Variants in DIP2B observed in about 807,000 individuals in gnomAD.
DIP2B encodes the protein disco-interacting protein 2 homolog B.
In DIP2B, 76 loss-of-function variants were observed where a neutral mutation model predicts 198.0. The observed-to-expected ratio is 0.38, with a 90% CI of 0.32 to 0.46. DIP2B has a LOEUF of 0.46. Ranked by LOEUF, DIP2B falls within the 20% of genes least tolerant of loss-of-function variation. The pLI is 0.99. For synonymous variants in DIP2B, 701 were observed against 739.1 expected, an observed-to-expected ratio of 0.95 and a Z score of 0.84; for missense variants, 1,559 against 1,978.4, an observed-to-expected ratio of 0.79 and a Z score of 4.02.
chr12:50,614,072 A>G (rs1306140550), intron 1 of DIP2B, among the ~76,000 whole-genome samples: 1 of 152,172 alleles, frequency 6.6e-6, no homozygotes, highest in East Asian at 1.9e-4. Flanking sequence ...CTTTTTAACA[A>G]AACATTGAAA....
chr12:50,585,494 T>A (rs1161732612), intron 1 of DIP2B, among the ~76,000 whole-genome samples: 2 of 152,096 alleles, frequency 1.3e-5, no homozygotes, highest in African/African-American at 4.8e-5. Flanking sequence ...GAGAGCATCA[T>A]GTGAATGTTG....
intron 37 of DIP2B, 53 bp from the exon 38 acceptor site, chr12:50,744,534 A>C: frequency 6.2e-7 from 1 of 1,603,650 alleles, no homozygotes. Context: ...GATGCTATAA[A>C]AGATAACTGA....
intron 28 of DIP2B, among the ~76,000 whole-genome samples, chr12:50,726,668 C>CT (rs769357838): frequency 0.036 from 3,983 of 109,866 alleles, 76 homozygotes; most frequent in Non-Finnish European, 0.059. Flanking sequence ...TTCTTTCTTT[C>CT]TTTTTTTTTT....
chr12:50,590,289 T>G (rs1050450389), intron 1 of DIP2B, among the ~76,000 whole-genome samples: 1 of 152,118 alleles, frequency 6.6e-6, no homozygotes, highest in East Asian at 1.9e-4. Flanking sequence ...GTGTTTCTGC[T>G]TTCTCTCTGT....
intron 1 of DIP2B, among the ~76,000 whole-genome samples, chr12:50,508,454 C>T (rs1405147509): frequency 6.6e-6 from 1 of 152,046 alleles, no homozygotes; most frequent in African/African-American, 2.4e-5. Flanking sequence ...GTGTAATGAT[C>T]TTTTTGTACA....
At chr12:50,656,364 G>T (rs1426329775) in intron 3 of DIP2B, among the ~76,000 whole-genome samples, 1 of 152,128 alleles carries the variant, frequency 6.6e-6, no homozygotes, top group Non-Finnish European at 1.5e-5. Context: ...TCATGAGCAT[G>T]GAATATCTTA....
chr12:50,555,542 G>C (rs1958463085), intron 1 of DIP2B, among the ~76,000 whole-genome samples: 1 of 152,086 alleles, frequency 6.6e-6, no homozygotes, highest in Non-Finnish European at 1.5e-5. Flanking sequence ...AAGAACAGAG[G>C]CTGTGCACTC....
intron 30 of DIP2B, among the ~76,000 whole-genome samples, chr12:50,731,164 A>G (rs1288354904): frequency 6.6e-6 from 1 of 152,188 alleles, no homozygotes; most frequent in East Asian, 1.9e-4. Flanking sequence ...ATGTAGACTT[A>G]AGTGACCTAC....
chr12:50,559,899 G>C (rs917778996), intron 1 of DIP2B, among the ~76,000 whole-genome samples: 2 of 152,152 alleles, frequency 1.3e-5, no homozygotes, highest in Admixed American at 6.5e-5. Flanking sequence ...CGTTGTTCTT[G>C]TGTGCCTGTG....
chr12:50,712,532 A>T (rs771880801), intron 22 of DIP2B, among the ~76,000 whole-genome samples: 2 of 151,606 alleles, frequency 1.3e-5, no homozygotes, highest in Non-Finnish European at 2.9e-5. Flanking sequence ...TGAACCCGGG[A>T]GGTGGAGGTT....
intron 4 of DIP2B, among the ~76,000 whole-genome samples, chr12:50,670,072 TA>T (rs975392730): frequency 6.6e-6 from 1 of 152,092 alleles, no homozygotes; most frequent in Non-Finnish European, 1.5e-5. Context: ...AACCCTGAAA[TA>T]AATTCCTGAC....
chr12:50,599,914 T>G (rs558682209), intron 1 of DIP2B, among the ~76,000 whole-genome samples: 7 of 152,344 alleles, frequency 4.6e-5, no homozygotes, highest in African/African-American at 1.7e-4. Flanking sequence ...CCTGATCATG[T>G]AATTTATGAC....
intron 1 of DIP2B, among the ~76,000 whole-genome samples, chr12:50,522,654 T>A (rs1958131218): frequency 6.6e-6 from 1 of 152,232 alleles, no homozygotes; most frequent in African/African-American, 2.4e-5. Flanking sequence ...TCAGCCTCTT[T>A]ATAACATAAC....
At chr12:50,595,848 ACCT>A (rs1001913046) in intron 1 of DIP2B, among the ~76,000 whole-genome samples, 1 of 151,996 alleles carries the variant, frequency 6.6e-6, no homozygotes, top group Admixed American at 6.6e-5. Flanking sequence ...CTGGCACGTG[ACCT>A]CCTGGGAATA....
At chr12:50,607,116 T>C (rs1394977448) in intron 1 of DIP2B, among the ~76,000 whole-genome samples, 1 of 151,872 alleles carries the variant, frequency 6.6e-6, no homozygotes, top group African/African-American at 2.4e-5. Flanking sequence ...TTCTTTTTTT[T>C]TTTTTTGAGG....
At chr12:50,730,377 TCTCTC>T (rs1466325384) in intron 30 of DIP2B, among the ~76,000 whole-genome samples, 42 of 110,338 alleles carry the variant, frequency 3.8e-4, no homozygotes, top group Non-Finnish European at 8.6e-4. Flanking sequence ...TCTTTCTCTC[TCTCTC>T]TTTTTTTTTT....
At chr12:50,648,760 G>T (rs1450006723) in intron 3 of DIP2B, among the ~76,000 whole-genome samples, 1 of 138,446 alleles carries the variant, frequency 7.2e-6, no homozygotes, top group Non-Finnish European at 1.5e-5. Flanking sequence ...CATTTAAATT[G>T]TACCATAGGT....
chr12:50,535,639 C>G (rs966975421), intron 1 of DIP2B, among the ~76,000 whole-genome samples: 2 of 151,722 alleles, frequency 1.3e-5, no homozygotes, highest in Non-Finnish European at 2.9e-5. Flanking sequence ...CCAAAGTGCT[C>G]GGATTACAGA....
Position 50,680,685 on chromosome 12 carries a change from CA to C in DIP2B, c.1129del (p.Arg377GlufsTer3). On this transcript the variant is annotated frameshift_variant, in exon 9 of 38. Coordinates refer to ENST00000301180, the MANE Select transcript of DIP2B (RefSeq NM_173602.3). LOFTEE classifies it high-confidence loss of function. ...CTTTTTTTCCAGGAAAGTTGTGGAG[CA>C]GAAGTTTAAAGTTGGCCTACACACT... ...YTLTYGKLWSRSLKLAYTLLN... is the reference protein window; with the variant it reads ...YTLTYGKLWSXSLKLAYTLLN... The C allele has an allele frequency of 6.2e-7, 1 of 1,611,872 alleles. No homozygotes were observed. Among genetic ancestry groups the C allele is most frequent in the Non-Finnish European group, 8.5e-7 (1 of 1,179,434 alleles).
Sources: allele counts gnomAD v4.1 joint callset (sites outside exome capture counted in the v4.1 genomes callset), GRCh38; gene constraint gnomAD v4.1.1; transcripts MANE v1.5; gene names NCBI Gene and HGNC (gene_info 2026-07-23, HGNC 2026-07-21).